Variants in MEGF10 observed in about 807,000 individuals in gnomAD.
MEGF10 encodes the protein multiple epidermal growth factor-like domains protein 10.
Under a neutral mutation model 147.5 loss-of-function variants are expected in MEGF10, and 86 were observed. That is an observed-to-expected ratio of 0.58 (90% CI 0.49 to 0.70). MEGF10 has a LOEUF of 0.70. MEGF10 is among the 30% of genes least tolerant of loss of function. MEGF10 has a pLI of 0.00. For missense variants in MEGF10, 1,329 were observed against 1,487.3 expected (o/e 0.89, Z 1.75); for synonymous variants, 478 against 525.5 (o/e 0.91, Z 1.24).
chr5:127,393,993 A>G (rs140777087), intron 5 of MEGF10, among the ~76,000 whole-genome samples: 15 of 152,250 alleles, frequency 9.9e-5, no homozygotes, highest in Non-Finnish European at 2.1e-4. Flanking sequence ...TATATAAAAC[A>G]TGTTCTGTAA....
At chr5:127,242,984 G>A in the MEGF10 span, among the ~76,000 whole-genome samples, 4 of 152,074 alleles carry the variant, frequency 2.6e-5, no homozygotes, top group Non-Finnish European at 5.9e-5. Context: ...TACCATTTAG[G>A]TATTATAATA....
the MEGF10 span, among the ~76,000 whole-genome samples, chr5:127,235,264 A>G: frequency 6.6e-6 from 1 of 152,112 alleles, no homozygotes; most frequent in Non-Finnish European, 1.5e-5. Flanking sequence ...TACCCAAGGG[A>G]TCTTAGTGTC....
At chr5:127,303,800 C>T (rs1355526072) in intron 1 of MEGF10, among the ~76,000 whole-genome samples, 2 of 152,108 alleles carry the variant, frequency 1.3e-5, no homozygotes, top group South Asian at 2.1e-4. Flanking sequence ...CTGGCTTGCC[C>T]CATTGTTAAC....
At chr5:127,246,935 T>TAC in the MEGF10 span, among the ~76,000 whole-genome samples, 2 of 113,186 alleles carry the variant, frequency 1.8e-5, no homozygotes, top group African/African-American at 7.0e-5. Context: ...CAATAATATA[T>TAC]GATTATATTA....
At chr5:127,453,544 G>A (rs1385097870) in intron 22 of MEGF10, among the ~76,000 whole-genome samples, 1 of 152,150 alleles carries the variant, frequency 6.6e-6, no homozygotes, top group Non-Finnish European at 1.5e-5. Context: ...CTGGAAGGCT[G>A]GAAGGCAAAT....
intron 4 of MEGF10, among the ~76,000 whole-genome samples, chr5:127,361,958 T>C (rs1025925557): frequency 6.6e-6 from 1 of 152,180 alleles, no homozygotes; most frequent in African/African-American, 2.4e-5. Flanking sequence ...AACTTGATTA[T>C]TGTTCTGTAT....
At chr5:127,283,901 G>A in the MEGF10 span, among the ~76,000 whole-genome samples, 1 of 152,096 alleles carries the variant, frequency 6.6e-6, no homozygotes, top group Non-Finnish European at 1.5e-5. Flanking sequence ...CTTTTTTTGG[G>A]GGAAAACACT....
chr5:127,364,872 A>G (rs1351723344), intron 4 of MEGF10, among the ~76,000 whole-genome samples: 2 of 152,030 alleles, frequency 1.3e-5, no homozygotes, highest in Non-Finnish European at 2.9e-5. Context: ...ATTAAAATCC[A>G]TCTTATGTTT....
chr5:127,356,587 A>G (rs1443256911), intron 4 of MEGF10, among the ~76,000 whole-genome samples: 1 of 152,232 alleles, frequency 6.6e-6, no homozygotes, highest in Non-Finnish European at 1.5e-5. Flanking sequence ...TGTAGATTTA[A>G]GCTAAAAAAC....
intron 14 of MEGF10, among the ~76,000 whole-genome samples, chr5:127,433,778 A>G (rs1219055604): frequency 6.6e-6 from 1 of 152,258 alleles, no homozygotes; most frequent in Non-Finnish European, 1.5e-5. Context: ...CCATCAGGAT[A>G]TATTTCTTCA....
At chr5:127,441,144 C>T (rs904971280) in intron 18 of MEGF10, among the ~76,000 whole-genome samples, 1 of 152,204 alleles carries the variant, frequency 6.6e-6, no homozygotes, top group African/African-American at 2.4e-5. Context: ...CCCTTCCTCT[C>T]CTTCTTATTT....
At chr5:127,330,264 C>G (rs562381300) in intron 1 of MEGF10, among the ~76,000 whole-genome samples, 1 of 152,176 alleles carries the variant, frequency 6.6e-6, no homozygotes, top group African/African-American at 2.4e-5. Context: ...CAAGAGCCTC[C>G]CCTTGCAGCT....
chr5:127,406,171 C>T (rs761939640), intron 8 of MEGF10, among the ~76,000 whole-genome samples: 25 of 151,996 alleles, frequency 1.6e-4, no homozygotes, highest in Admixed American at 1.4e-3. Flanking sequence ...AGAGGTAGCA[C>T]AAGAACAATA....
At chr5:127,402,022 T>A (rs1478831862) in intron 7 of MEGF10, among the ~76,000 whole-genome samples, 1 of 152,234 alleles carries the variant, frequency 6.6e-6, no homozygotes, top group East Asian at 1.9e-4. Context: ...TTAATTCAGG[T>A]ACACAAAATT....
chr5:127,280,047 T>TA, the MEGF10 span, among the ~76,000 whole-genome samples: 433 of 152,340 alleles, frequency 2.8e-3, 1 homozygote, highest in Middle Eastern at 0.037. Flanking sequence ...TATATATTAT[T>TA]ATATTGTATT....
chr5:127,411,918 A>G (rs1177175639), intron 9 of MEGF10, among the ~76,000 whole-genome samples: 5 of 152,242 alleles, frequency 3.3e-5, no homozygotes, highest in African/African-American at 9.6e-5. Context: ...TCCGTTGTAC[A>G]TAGAGACAAC....
At chr5:127,454,419 G>C (rs1766275456) in intron 22 of MEGF10, 147 bp from the exon 23 acceptor site, 3 of 592,490 alleles carry the variant, frequency 5.1e-6, no homozygotes, top group African/African-American at 3.8e-5. Flanking sequence ...GGACATCTGG[G>C]ACAACTGATC....
intron 1 of MEGF10, among the ~76,000 whole-genome samples, chr5:127,299,750 T>G (rs971919299): frequency 3.9e-5 from 6 of 152,016 alleles, no homozygotes; most frequent in Admixed American, 3.3e-4. Flanking sequence ...TTTTTGTTTT[T>G]TTTTTTTTAA....
the MEGF10 span, among the ~76,000 whole-genome samples, chr5:127,281,251 AT>A: frequency 6.6e-6 from 1 of 152,118 alleles, no homozygotes. Flanking sequence ...TTCTCGATAA[AT>A]TCCTTTTCTG....
Sources: allele counts gnomAD v4.1 joint callset (sites outside exome capture counted in the v4.1 genomes callset), GRCh38; gene constraint gnomAD v4.1.1; transcripts MANE v1.5; gene names NCBI Gene and HGNC (gene_info 2026-07-23, HGNC 2026-07-21).